WDPCP: variants seen among roughly 807,000 people sequenced by gnomAD.
The protein encoded by WDPCP is WD repeat containing planar cell polarity effector, also known as WD repeat-containing and planar cell polarity effector protein fritz homolog.
A neutral mutation model predicts 93.1 loss-of-function variants in WDPCP; 71 were observed. That is an observed-to-expected ratio of 0.76 (90% CI 0.63 to 0.93). The LOEUF (loss-of-function observed/expected upper bound fraction) is 0.93, where lower values mean the gene tolerates loss of function less well. Ranked by LOEUF, WDPCP falls within the 40% of genes least tolerant of loss-of-function variation. WDPCP has a pLI of 0.00. For missense variants in WDPCP, 844 were observed against 887.4 expected, an observed-to-expected ratio of 0.95 and a Z score of 0.62; for synonymous variants, 315 against 315.0, an observed-to-expected ratio of 1.00 and a Z score of 0.00.
At chr2:63,627,762 G>A (rs1388942703) in intron 3 of WDPCP, among the ~76,000 whole-genome samples, 1 of 152,084 alleles carries the variant, frequency 6.6e-6, no homozygotes, top group African/African-American at 2.4e-5. Flanking sequence ...CACTTCCATC[G>A]GCAATAAAAT....
intron 1 of WDPCP, among the ~76,000 whole-genome samples, chr2:63,551,556 C>T (rs1705646925): frequency 6.6e-6 from 1 of 152,294 alleles, no homozygotes; most frequent in African/African-American, 2.4e-5. Context: ...CAGCACCATG[C>T]TTCCTGTACA....
chr2:63,531,447 A>AGGTGT (rs1277964430), intron 1 of WDPCP, among the ~76,000 whole-genome samples: 1 of 152,176 alleles, frequency 6.6e-6, no homozygotes, highest in Non-Finnish European at 1.5e-5. Flanking sequence ...AGTAGGGCTG[A>AGGTGT]CAGACACCTC....
rs1694036336 is a variant in WDPCP, at chr2:63,400,136, G to A, written c.1435+3912C>T. 2.0e-5 allele frequency among the ~76,000 whole-genome samples: 3 copies of A among 152,276 alleles called. No individual in the cohort carries two copies. The South Asian group carries it at 6.2e-4, about 32-fold the overall frequency. ...AAATTTATTTTTTACACCTAAGTGA[G>A]GTTCTCTCAAGAATGTTAAATTGTA... On this transcript the variant is annotated intron_variant, in intron 10 of 17. Transcript: ENST00000272321.
intron 2 of WDPCP, among the ~76,000 whole-genome samples, chr2:63,673,270 G>A (rs141983179): frequency 1.3e-5 from 2 of 152,286 alleles, no homozygotes; most frequent in African/African-American, 4.8e-5. Flanking sequence ...GCCAAGGTGG[G>A]ATTAGATAGA....
intron 9 of WDPCP, among the ~76,000 whole-genome samples, chr2:63,411,516 G>C (rs532281152): frequency 3.9e-5 from 6 of 151,914 alleles, no homozygotes; most frequent in Non-Finnish European, 8.8e-5. Flanking sequence ...CAGAAGAAAG[G>C]AAATAATCAA....
chr2:63,829,468 T>C (rs763735029), upstream of WDPCP, among the ~76,000 whole-genome samples: 3 of 152,162 alleles, frequency 2.0e-5, no homozygotes, highest in Admixed American at 6.6e-5. Context: ...GACTCTACAT[T>C]TTGAGAATGA....
chr2:63,588,325 A>C lies in WDPCP; in HGVS notation c.-54T>G. ...CCTAGGCTAGGTCCTCGGACCCGAG[A>C]GGGAGCGACACGCTCGCTTGGTCTC... On this transcript the variant is annotated 5_prime_UTR_variant, in exon 1 of 18. Transcript: ENST00000272321. 6.5e-7 allele frequency: 1 copy of C among 1,546,452 alleles called. No individual in the cohort carries two copies. The highest frequency in any genetic ancestry group is 1.2e-5 in the South Asian group (1 of 84,216).
chr2:63,273,848 C>T (rs1347076850), intron 13 of WDPCP, among the ~76,000 whole-genome samples: 2 of 150,944 alleles, frequency 1.3e-5, no homozygotes, highest in African/African-American at 2.4e-5. Flanking sequence ...CACACACACA[C>T]AGAACAAATA....
chr2:63,606,601 TG>T (rs1163525703), intron 3 of WDPCP, among the ~76,000 whole-genome samples: 38 of 152,106 alleles, frequency 2.5e-4, no homozygotes, highest in Non-Finnish European at 2.9e-5. Flanking sequence ...AATGAAGCAA[TG>T]GTTTTCAGTG....
At chr2:63,508,806 T>A (rs971702716) in intron 1 of WDPCP, among the ~76,000 whole-genome samples, 1 of 151,946 alleles carries the variant, frequency 6.6e-6, no homozygotes, top group Non-Finnish European at 1.5e-5. Flanking sequence ...AAACAGACTT[T>A]AAACCAACAA....
At chr2:63,203,525 T>C (rs865929217) in intron 14 of WDPCP, among the ~76,000 whole-genome samples, 1 of 152,138 alleles carries the variant, frequency 6.6e-6, no homozygotes, top group African/African-American at 2.4e-5. Context: ...TTATGCTCTT[T>C]TAGTTATTTT....
At chr2:63,577,349 A>G (rs1708183349) in intron 1 of WDPCP, among the ~76,000 whole-genome samples, 2 of 152,202 alleles carry the variant, frequency 1.3e-5, no homozygotes, top group African/African-American at 4.8e-5. Context: ...AAAGTATTGT[A>G]CCTTAAATTA....
intron 2 of WDPCP, among the ~76,000 whole-genome samples, chr2:63,699,778 T>C (rs1013020832): frequency 2.0e-5 from 3 of 152,186 alleles, no homozygotes; most frequent in Non-Finnish European, 2.9e-5. Context: ...GATTGTAACA[T>C]GCACTCTGAT....
At chr2:63,531,750 G>C (rs1038655124) in intron 1 of WDPCP, among the ~76,000 whole-genome samples, 2 of 152,138 alleles carry the variant, frequency 1.3e-5, no homozygotes, top group Admixed American at 6.5e-5. Flanking sequence ...CACAAAGATG[G>C]GGGGAAACCA....
At chr2:63,490,811 T>A (rs1201884804) in intron 2 of WDPCP, among the ~76,000 whole-genome samples, 3 of 152,138 alleles carry the variant, frequency 2.0e-5, no homozygotes, top group African/African-American at 7.2e-5. Flanking sequence ...CAAGATGGAA[T>A]AGCTCAGACT....
chr2:63,391,162 T>C (rs1489746858), intron 10 of WDPCP, among the ~76,000 whole-genome samples: 2 of 152,110 alleles, frequency 1.3e-5, no homozygotes, highest in Non-Finnish European at 2.9e-5. Flanking sequence ...GCAAACCGAA[T>C]CCAGCAGCAC....
At chr2:63,447,321 C>A (rs1055928775) in intron 6 of WDPCP, among the ~76,000 whole-genome samples, 1 of 151,882 alleles carries the variant, frequency 6.6e-6, no homozygotes, top group Non-Finnish European at 1.5e-5. Context: ...CAACTTCTTG[C>A]CTTATAAAAT....
intron 17 of WDPCP, among the ~76,000 whole-genome samples, chr2:63,149,156 C>G (rs1028449518): frequency 6.6e-6 from 1 of 151,798 alleles, no homozygotes; most frequent in Non-Finnish European, 1.5e-5. Flanking sequence ...ATAAAGACTA[C>G]TACAAATCAG....
At chr2:63,804,737 C>T (rs574996121) in intron 2 of WDPCP, among the ~76,000 whole-genome samples, 17 of 151,864 alleles carry the variant, frequency 1.1e-4, no homozygotes, top group African/African-American at 4.1e-4. Context: ...TCATATAAAG[C>T]GTCCATGTTG....
Sources: allele counts gnomAD v4.1 joint callset (sites outside exome capture counted in the v4.1 genomes callset), GRCh38; gene constraint gnomAD v4.1.1; transcripts MANE v1.5; gene names NCBI Gene and HGNC (gene_info 2026-07-23, HGNC 2026-07-21).